The following PSME3IP1 variants were observed in gnomAD, a reference collection of about 807,000 sequenced individuals.
The protein encoded by PSME3IP1 is proteasome activator subunit 3 interacting protein 1, also known as PSME3-interacting protein.
In PSME3IP1, 13 loss-of-function variants were observed where a neutral mutation model predicts 34.1. The observed-to-expected ratio is 0.38, with a 90% CI of 0.25 to 0.61. The LOEUF is 0.61. PSME3IP1 is among the 20% of genes least tolerant of loss of function. PSME3IP1 has a pLI of 0.60. For synonymous variants in PSME3IP1, 93 were observed against 114.3 expected (o/e 0.81, Z 1.19); for missense variants, 237 against 301.4 (o/e 0.79, Z 1.58).
rs575837295 is a variant in PSME3IP1, at chr16:57,172,721, G to C, written c.226+55C>G. ...AGGAAAAGTGCTGCACAAGGCAAAA[G>C]TGCGTCAAAAGTACCCCACAGAGCC... On this transcript the variant is annotated intron_variant, in intron 3 of 6. Transcript: ENST00000309137. 5.4e-5 allele frequency: 70 copies of C among 1,302,374 alleles called. No individual in the cohort carries two copies. The African/African-American group carries it at 9.6e-4, about 18-fold the overall frequency. 80.7% of individuals were successfully genotyped at this position (1,302,374 alleles called of 1,614,324 possible). A position where few individuals can be genotyped will look rare whatever the true frequency, so the allele number is the denominator to read the frequency against.
chr16:57,163,964 TTC>T, intron 6 of PSME3IP1, 35 bp downstream of exon 6: 1 of 1,591,978 alleles, frequency 6.3e-7, no homozygotes, highest in Non-Finnish European at 8.6e-7. Context: ...TTCATGTGTA[TTC>T]TGAGTACAAG....
At chr16:57,165,717 G>A (rs1007392371) in intron 5 of PSME3IP1, among the ~76,000 whole-genome samples, 1 of 152,102 alleles carries the variant, frequency 6.6e-6, no homozygotes, top group Non-Finnish European at 1.5e-5. Flanking sequence ...GGACAGATTA[G>A]GAACTCCTGC....
chr16:57,157,799 A>G (rs2070736681), intron 6 of PSME3IP1, among the ~76,000 whole-genome samples: 1 of 152,162 alleles, frequency 6.6e-6, no homozygotes, highest in Non-Finnish European at 1.5e-5. Flanking sequence ...TTTAAAATGC[A>G]GCTGTGCTTG....
At chr16:57,157,430 G>A (rs2070689436) in intron 6 of PSME3IP1, among the ~76,000 whole-genome samples, 1 of 152,112 alleles carries the variant, frequency 6.6e-6, no homozygotes, top group African/African-American at 2.4e-5. Context: ...GCAGGACAGT[G>A]TGTGAAAGTT....
At chr16:57,167,679 C>A (rs550502342) in intron 4 of PSME3IP1, among the ~76,000 whole-genome samples, 1 of 152,218 alleles carries the variant, frequency 6.6e-6, no homozygotes, top group African/African-American at 2.4e-5. Context: ...CGAAGACTAA[C>A]TCCTGCTCCA....
At chr16:57,162,920 T>A (rs1423835426) in intron 6 of PSME3IP1, among the ~76,000 whole-genome samples, 1 of 152,080 alleles carries the variant, frequency 6.6e-6, no homozygotes, top group African/African-American at 2.4e-5. Context: ...ATCCCAGCAC[T>A]TTGGGAGGCC....
chr16:57,186,096 G>A (rs1406700201), upstream of PSME3IP1: 30 of 985,418 alleles, frequency 3.0e-5, no homozygotes, highest in Non-Finnish European at 3.6e-5. Context: ...TTCCTCCCCG[G>A]GAGCCCGATG....
At chr16:57,159,042 C>A (rs1416285001) in intron 6 of PSME3IP1, among the ~76,000 whole-genome samples, 1 of 152,128 alleles carries the variant, frequency 6.6e-6, no homozygotes, top group African/African-American at 2.4e-5. Context: ...GGCACATGAC[C>A]ATATTTCAAG....
At chr16:57,163,867 G>A in intron 6 of PSME3IP1, 134 bp downstream of exon 6, 2 of 868,186 alleles carry the variant, frequency 2.3e-6, no homozygotes, top group Non-Finnish European at 3.7e-6. Flanking sequence ...GCATAAAAAA[G>A]TTGGGTAAAT....
intron 4 of PSME3IP1, among the ~76,000 whole-genome samples, chr16:57,168,956 A>C (rs1170554634): frequency 6.6e-6 from 1 of 152,028 alleles, no homozygotes; most frequent in Non-Finnish European, 1.5e-5. Flanking sequence ...AAAAAACAAA[A>C]ATGGAAAAAA....
intron 6 of PSME3IP1, among the ~76,000 whole-genome samples, chr16:57,156,485 C>T (rs149967525): frequency 1.2e-4 from 18 of 152,138 alleles, no homozygotes; most frequent in African/African-American, 4.1e-4. Context: ...ACACAAAGTT[C>T]AGGAGATCAA....
In PSME3IP1 at chr16:57,154,563, T is replaced by C; in HGVS notation, c.548-56A>G. 1 of 1,433,594 alleles carries C rather than the reference T, an allele frequency of 7.0e-7. No individual in the cohort carries two copies. The highest frequency in any genetic ancestry group is 1.4e-5 in the South Asian group (1 of 73,820). The allele number at this position is 1,433,594 out of a possible 1,614,324, so 88.8% of individuals were successfully genotyped here. On this transcript the variant is annotated intron_variant, in intron 6 of 6. Transcript: ENST00000309137. This position sits in a 1 kb window ranked among gnomAD's most constrained non-coding sequence, Gnocchi z 4.0. Reference sequence around the variant, plus strand: ...ATCACCCTTTTCCAAAGTTGGGGACTGACTTACCATGTGCCAGGCACTGTA... The same window carrying C: ...ATCACCCTTTTCCAAAGTTGGGGACCGACTTACCATGTGCCAGGCACTGTA...
rs2071672279 is a variant in PSME3IP1 at position 57,164,904 on chromosome 16, G to A, written c.483-839C>T. 2.6e-5 allele frequency among the ~76,000 whole-genome samples: 4 copies of A among 152,032 alleles called. No individual in the cohort carries two copies. The South Asian group carries it at 8.3e-4, about 32-fold the overall frequency. On this transcript the variant is annotated intron_variant, in intron 5 of 6. Coordinates refer to ENST00000309137, the MANE Select transcript of PSME3IP1 (RefSeq NM_024946.4). ...AAATTAGCCAGGCAAGGTGGTGCAT[G>A]CCTGTAATCCCAGCTACTTGGGAGG...
rs1265182068 is a variant in PSME3IP1, at chr16:57,160,296, C to CAAAAAAAAAAAAAAAGAAAA, written c.547+3685_547+3704dup. On this transcript the variant is annotated intron_variant, in intron 6 of 6. Transcript: ENST00000309137. The stretch of plus-strand genomic sequence containing the variant: ...TGGGCGACAGAGCGAGACTCCGTCT[C>CAAAAAAAAAAAAAAAGAAAA]AAAAAAAAAAAAAAAGAAAAATATT... 3.8e-3 allele frequency among the ~76,000 whole-genome samples: 301 copies of CAAAAAAAAAAAAAAAGAAAA among 78,784 alleles called. 2 individuals are homozygous for CAAAAAAAAAAAAAAAGAAAA. Among genetic ancestry groups the CAAAAAAAAAAAAAAAGAAAA allele is most frequent in the African/African-American group, 0.015 (287 of 19,460 alleles). 51.7% of individuals were successfully genotyped at this position (78,784 alleles called of 152,430 possible). A position where few individuals can be genotyped will look rare whatever the true frequency, so the allele number is the denominator to read the frequency against.
chr16:57,156,743 T>C (rs770175387), intron 6 of PSME3IP1, among the ~76,000 whole-genome samples: 8 of 151,818 alleles, frequency 5.3e-5, no homozygotes, highest in Admixed American at 1.3e-4. Context: ...GAAAAGTGAA[T>C]GGAAAACATG....
At chr16:57,181,008 C>A (rs999913405) in intron 1 of PSME3IP1, among the ~76,000 whole-genome samples, 49 of 151,812 alleles carry the variant, frequency 3.2e-4, no homozygotes, top group African/African-American at 1.0e-3. Context: ...CATTGCACTA[C>A]AGCCTGGGCA....
chr16:57,184,515 AT>A (rs752889172), intron 1 of PSME3IP1, among the ~76,000 whole-genome samples: 9 of 152,216 alleles, frequency 5.9e-5, no homozygotes, highest in Non-Finnish European at 8.8e-5. Context: ...GAAACATAAT[AT>A]TTAAGAATGA....
chr16:57,163,790 T>C (rs191439333), intron 6 of PSME3IP1, among the ~76,000 whole-genome samples: 23 of 152,348 alleles, frequency 1.5e-4, no homozygotes, highest in African/African-American at 5.1e-4. Flanking sequence ...GTTTCTAATA[T>C]AATAACTTTT....
At chr16:57,166,497 T>C (rs768964910) in intron 5 of PSME3IP1, among the ~76,000 whole-genome samples, 1 of 152,202 alleles carries the variant, frequency 6.6e-6, no homozygotes, top group Non-Finnish European at 1.5e-5. Flanking sequence ...CTCTCCCTTG[T>C]TGCTTGTCAA....
Sources: gnomAD v4.1 joint callset for allele counts (sites outside exome capture counted in the v4.1 genomes callset) on GRCh38, gnomAD v4.1.1 for gene constraint, Gnocchi (gnomAD v3.1) non-coding constraint, MANE v1.5 for transcripts, NCBI Gene and HGNC (gene_info 2026-07-23, HGNC 2026-07-21) for gene names.